Variants in LAPTM4B observed in about 807,000 individuals in gnomAD.
LAPTM4B encodes the protein lysosomal protein transmembrane 4 beta.
LAPTM4B carries 26 observed loss-of-function variants against 28.5 expected under a neutral mutation model. The ratio of observed to expected loss-of-function variants is 0.91; its 90% CI spans 0.67 to 1.27. The LOEUF (loss-of-function observed/expected upper bound fraction) is 1.27. Among genes scored for constraint, LAPTM4B ranks in the 50% most tolerant of loss-of-function variants. The pLI is 0.00. For missense variants in LAPTM4B, 288 were observed against 285.8 expected, an observed-to-expected ratio of 1.01 and a Z score of -0.06; for synonymous variants, 109 against 106.4, an observed-to-expected ratio of 1.02 and a Z score of -0.15.
At chr8:97,849,811 C>T (rs550749215) in intron 6 of LAPTM4B, among the ~76,000 whole-genome samples, 1 of 151,532 alleles carries the variant, frequency 6.6e-6, no homozygotes, top group African/African-American at 2.4e-5. Flanking sequence ...CCTCCACCCC[C>T]CTGCCCGCCT....
At chr8:97,831,440 G>A (rs186299621) in intron 6 of LAPTM4B, among the ~76,000 whole-genome samples, 1 of 152,300 alleles carries the variant, frequency 6.6e-6, no homozygotes, top group Admixed American at 6.5e-5. Flanking sequence ...TGTGGGAAAG[G>A]GAGGGGATTT....
chr8:97,837,343 C>A (rs1817278160), intron 6 of LAPTM4B, among the ~76,000 whole-genome samples: 1 of 152,018 alleles, frequency 6.6e-6, no homozygotes, highest in Non-Finnish European at 1.5e-5. Context: ...CAGGCACATG[C>A]CACTATGCCT....
chr8:97,806,094 T>C (rs1165321296), intron 2 of LAPTM4B, among the ~76,000 whole-genome samples: 1 of 152,174 alleles, frequency 6.6e-6, no homozygotes, highest in Admixed American at 6.5e-5. Flanking sequence ...GAACTTCAAG[T>C]GAGTTTTTCT....
At chr8:97,777,594 A>G (rs1356702745) in intron 1 of LAPTM4B, among the ~76,000 whole-genome samples, 1 of 152,190 alleles carries the variant, frequency 6.6e-6, no homozygotes, top group African/African-American at 2.4e-5. Flanking sequence ...CACCCCAGGC[A>G]TATGGTATTC....
At chr8:97,844,930 T>C (rs936213064) in intron 6 of LAPTM4B, among the ~76,000 whole-genome samples, 7 of 152,218 alleles carry the variant, frequency 4.6e-5, no homozygotes, top group African/African-American at 1.7e-4. Context: ...TTTAACACCA[T>C]ATTGCACACA....
At chr8:97,818,135 G>A (rs1816950706) in intron 4 of LAPTM4B, among the ~76,000 whole-genome samples, 1 of 152,182 alleles carries the variant, frequency 6.6e-6, no homozygotes, top group Admixed American at 6.5e-5. Context: ...TAATAAAAGA[G>A]TAAAGTTGCA....
chr8:97,795,516 T>C (rs1215222068), intron 1 of LAPTM4B, among the ~76,000 whole-genome samples: 1 of 152,190 alleles, frequency 6.6e-6, no homozygotes, highest in Non-Finnish European at 1.5e-5. Flanking sequence ...AGACTTTCTA[T>C]TAATGGTTTG....
intron 1 of LAPTM4B, among the ~76,000 whole-genome samples, chr8:97,779,707 C>T (rs4570127): frequency 1.1e-4 from 16 of 149,410 alleles, no homozygotes; most frequent in African/African-American, 3.7e-4. Context: ...ATTGCTTGAA[C>T]TCTGGAGGTG....
intron 5 of LAPTM4B, among the ~76,000 whole-genome samples, chr8:97,822,846 A>G (rs200797409): frequency 1.6e-5 from 2 of 128,696 alleles, no homozygotes; most frequent in Non-Finnish European, 3.4e-5. Flanking sequence ...TATTTTTTTT[A>G]TTTATTTTTT....
intron 4 of LAPTM4B, 95 bp from the exon 5 acceptor site, chr8:97,819,045 A>G: frequency 1.3e-6 from 1 of 755,718 alleles, no homozygotes; most frequent in Middle Eastern, 3.8e-4. Context: ...TGCTTTAATC[A>G]GTTGCTTTCT....
At chr8:97,814,597 C>A (rs1178377252) in intron 2 of LAPTM4B, among the ~76,000 whole-genome samples, 1 of 151,990 alleles carries the variant, frequency 6.6e-6, no homozygotes, top group African/African-American at 2.4e-5. Context: ...TTAGAGCAAG[C>A]AAGAGAGTGG....
At chr8:97,818,752 A>G (rs1816960049) in intron 4 of LAPTM4B, among the ~76,000 whole-genome samples, 1 of 151,840 alleles carries the variant, frequency 6.6e-6, no homozygotes, top group African/African-American at 2.4e-5. Context: ...GGGCGGCTGG[A>G]GTGCAGTGGC....
intron 2 of LAPTM4B, among the ~76,000 whole-genome samples, chr8:97,810,688 G>A (rs988247291): frequency 6.6e-6 from 1 of 152,186 alleles, no homozygotes; most frequent in Admixed American, 6.5e-5. Context: ...AATTTTGTTT[G>A]GCAAAGAATT....
Position 97,819,164 on chromosome 8 carries a change from G to A in LAPTM4B, c.433G>A (p.Asp145Asn), listed in dbSNP as rs1028063734. The part of the protein sequence containing the change: ...QLPPNFPYRD[D>N]VMSVNPTCLV... Reference sequence around the variant, plus strand: ...GCCTCCTAATTTTCCCTACAGAGATGATGTCATGTCAGTGAATCCTACCTG... The same window carrying A: ...GCCTCCTAATTTTCCCTACAGAGATAATGTCATGTCAGTGAATCCTACCTG... The change falls in exon 5 of 7, where the codon GAT (aspartate) becomes AAT (asparagine). Residue 145 changes from aspartate (D) to asparagine (N), a missense_variant. By Grantham distance (23) the Asp-to-Asn change is conservative. Transcript: ENST00000521545. 2 of 1,608,334 alleles carry A rather than the reference G, an allele frequency of 1.2e-6. No individual in the cohort carries two copies. The highest frequency in any genetic ancestry group is 1.7e-6 in the Non-Finnish European group (2 of 1,176,992).
At chr8:97,783,097 T>C (rs1816348840) in intron 1 of LAPTM4B, among the ~76,000 whole-genome samples, 1 of 139,980 alleles carries the variant, frequency 7.1e-6, no homozygotes, top group Admixed American at 7.4e-5. Context: ...TTTTTAAATA[T>C]CCTTGTTCAG....
intron 1 of LAPTM4B, among the ~76,000 whole-genome samples, chr8:97,798,559 C>T (rs1265219195): frequency 6.6e-6 from 1 of 152,038 alleles, no homozygotes; most frequent in Non-Finnish European, 1.5e-5. Flanking sequence ...GGGACTTGGT[C>T]CCCCGAGAGA....
chr8:97,818,733 C>CT (rs1332996982), intron 4 of LAPTM4B, among the ~76,000 whole-genome samples: 1 of 152,172 alleles, frequency 6.6e-6, no homozygotes, highest in East Asian at 1.9e-4. Flanking sequence ...TGGTCTGGCT[C>CT]TGTCGCCCGG....
chr8:97,819,847 G>T lies in LAPTM4B; in HGVS notation c.507+609G>T, dbSNP rs117653171. Among the ~76,000 whole-genome samples the T allele has an allele frequency of 1.8e-3, 255 of 144,736 alleles. 4 individuals are homozygous for T. In the East Asian group the frequency reaches 0.051, roughly 29 times the overall value. The allele number at this position is 144,736 out of a possible 152,430, so 95.0% of individuals were successfully genotyped here. On this transcript the variant is annotated intron_variant, in intron 5 of 6. Transcript: ENST00000521545. The stretch of plus-strand genomic sequence containing the variant: ...CCTCCCGGCTTCACGCCATTATCTT[G>T]CCTCAGCCTCCCCAGTAGGTGGGAC...
intron 1 of LAPTM4B, among the ~76,000 whole-genome samples, chr8:97,782,279 CTTTTTT>C (rs34322160): frequency 6.0e-5 from 3 of 50,256 alleles, no homozygotes; most frequent in South Asian, 1.3e-3. Context: ...CCATGCCCAG[CTTTTTT>C]TTTTTTTTTT....
Sources: allele counts gnomAD v4.1 joint callset (sites outside exome capture counted in the v4.1 genomes callset), GRCh38; gene constraint gnomAD v4.1.1; transcripts MANE v1.5; gene names NCBI Gene and HGNC (gene_info 2026-07-23, HGNC 2026-07-21).